ADGRL2: variants seen among roughly 807,000 people sequenced by gnomAD.
ADGRL2 encodes calcium-independent alpha-latrotoxin receptor 2.
ADGRL2 carries 44 observed loss-of-function variants against 157.4 expected under a neutral mutation model. The ratio of observed to expected loss-of-function variants is 0.28; its 90% CI spans 0.22 to 0.36. The LOEUF (loss-of-function observed/expected upper bound fraction) is 0.36, where lower values mean the gene tolerates loss of function less well. Ranked by LOEUF, ADGRL2 falls within the 10% of genes least tolerant of loss-of-function variation. The pLI is 1.00. For synonymous variants in ADGRL2, 585 were observed against 624.7 expected, an observed-to-expected ratio of 0.94 and a Z score of 0.95; for missense variants, 1,510 against 1,768.9, an observed-to-expected ratio of 0.85 and a Z score of 2.63.
intron 2 of ADGRL2, among the ~76,000 whole-genome samples, chr1:81,493,632 A>T (rs978555631): frequency 1.3e-5 from 2 of 152,186 alleles, no homozygotes; most frequent in Non-Finnish European, 2.9e-5. Flanking sequence ...CACATCAGTG[A>T]AGTAATTTCT....
intron 2 of ADGRL2, among the ~76,000 whole-genome samples, chr1:81,544,774 G>C (rs1208583820): frequency 6.6e-6 from 1 of 152,174 alleles, no homozygotes; most frequent in East Asian, 1.9e-4. Flanking sequence ...GTAAACAATA[G>C]TGAGCCACTA....
At chr1:81,911,348 A>G (rs1210459804) in intron 3 of ADGRL2, among the ~76,000 whole-genome samples, 1 of 152,238 alleles carries the variant, frequency 6.6e-6, no homozygotes, top group African/African-American at 2.4e-5. Context: ...TATAAAAGTT[A>G]TAACACTTTG....
At chr1:81,849,521 A>C (rs563890691) in intron 2 of ADGRL2, among the ~76,000 whole-genome samples, 1 of 152,068 alleles carries the variant, frequency 6.6e-6, no homozygotes, top group African/African-American at 2.4e-5. Context: ...ATCATTTTAC[A>C]TAAAGTACTT....
chr1:81,314,331 C>T (rs891451621), intron 1 of ADGRL2, among the ~76,000 whole-genome samples: 2 of 152,120 alleles, frequency 1.3e-5, no homozygotes, highest in Non-Finnish European at 2.9e-5. Flanking sequence ...GTATGGAAGA[C>T]AAAGTATAAT....
intron 3 of ADGRL2, among the ~76,000 whole-genome samples, chr1:81,931,225 CTT>C (rs1269676796): frequency 6.6e-6 from 1 of 152,056 alleles, no homozygotes; most frequent in Non-Finnish European, 1.5e-5. Flanking sequence ...TAAAGCAAGA[CTT>C]TTGGATTTTC....
At chr1:81,647,907 C>T (rs888083952) in intron 3 of ADGRL2, among the ~76,000 whole-genome samples, 1 of 152,180 alleles carries the variant, frequency 6.6e-6, no homozygotes, top group African/African-American at 2.4e-5. Context: ...CTTAGCCCTC[C>T]AGAAGCACGG....
chr1:81,852,703 C>G (rs574576212), intron 2 of ADGRL2, among the ~76,000 whole-genome samples: 152 of 152,066 alleles, frequency 1.0e-3, no homozygotes, highest in African/African-American at 3.5e-3. Flanking sequence ...AGCTGTGTGT[C>G]TCGCTGGCTT....
chr1:81,673,510 A>ATTTTT (rs35732882), intron 3 of ADGRL2, among the ~76,000 whole-genome samples: 6 of 100,154 alleles, frequency 6.0e-5, no homozygotes, highest in Non-Finnish European at 9.6e-5. Flanking sequence ...TGTGCCTTCT[A>ATTTTT]TTTTTTTTTT....
chr1:81,678,771 A>G (rs1206968581), intron 3 of ADGRL2, among the ~76,000 whole-genome samples: 1 of 152,156 alleles, frequency 6.6e-6, no homozygotes, highest in Non-Finnish European at 1.5e-5. Flanking sequence ...ATTTAATGAG[A>G]AGGTTCCGAG....
rs528510920 is a variant in ADGRL2 at position 81,714,283 on chromosome 1, T to C, written c.-143+14475T>C. On this transcript the variant is annotated intron_variant, in intron 1 of 20. Transcript: ENST00000359929. ...AAGTAAAAGTGGATACTATTAATAA[T>C]TGTGCCAGAGCAAGAGATATAAATT... Among the ~76,000 whole-genome samples the C allele has an allele frequency of 2.0e-5, 3 of 152,290 alleles. No homozygotes were observed. The East Asian group carries it at 5.8e-4, about 29-fold the overall frequency.
intron 2 of ADGRL2, among the ~76,000 whole-genome samples, chr1:81,523,873 C>T (rs760604428): frequency 1.5e-4 from 22 of 151,708 alleles, no homozygotes; most frequent in Non-Finnish European, 2.5e-4. Flanking sequence ...ACCAGCCCAG[C>T]GAAGATAGTG....
chr1:81,578,824 A>G lies in ADGRL2; in HGVS notation c.-247-2052A>G, dbSNP rs377756872. ...ATACAGTTCATTATTTTTCTATTGC[A>G]CATTTATGTAGTTCCCCCCGAAGCA... is the stretch of plus-strand genomic sequence containing the variant. On this transcript the variant is annotated intron_variant, in intron 2 of 24. Coordinates refer to the ADGRL2 transcript ENST00000370721. Among the ~76,000 whole-genome samples, 136 of 152,290 alleles carry G rather than the reference A, an allele frequency of 8.9e-4. 2 individuals are homozygous for G. The South Asian group carries it at 0.028, about 31-fold the overall frequency.
At chr1:81,919,848 A>T (rs1251442295) in intron 3 of ADGRL2, among the ~76,000 whole-genome samples, 1 of 152,186 alleles carries the variant, frequency 6.6e-6, no homozygotes, top group African/African-American at 2.4e-5. Context: ...CAAATATATT[A>T]TCTAATAAGT....
At chr1:81,652,839 A>G (rs1371436971) in intron 3 of ADGRL2, among the ~76,000 whole-genome samples, 1 of 152,162 alleles carries the variant, frequency 6.6e-6, no homozygotes, top group Non-Finnish European at 1.5e-5. Flanking sequence ...TTATTACTTA[A>G]TGGACATCCT....
chr1:81,519,054 A>G (rs1232606452), intron 2 of ADGRL2, among the ~76,000 whole-genome samples: 3 of 152,176 alleles, frequency 2.0e-5, no homozygotes, highest in African/African-American at 4.8e-5. Flanking sequence ...TATTAGGCCC[A>G]TTTTACAGAT....
At chr1:81,797,355 G>A (rs1294390762), upstream of ADGRL2, among the ~76,000 whole-genome samples, 1 of 152,008 alleles carries the variant, frequency 6.6e-6, no homozygotes, top group African/African-American at 2.4e-5. Flanking sequence ...TCTAATCACA[G>A]GCAAAAATAC....
intron 1 of ADGRL2, among the ~76,000 whole-genome samples, chr1:81,833,031 T>A (rs1471471072): frequency 6.6e-6 from 1 of 152,184 alleles, no homozygotes; most frequent in African/African-American, 2.4e-5. Context: ...AAGGCAGAAT[T>A]GGGTTAGTGT....
At chr1:81,562,365 A>G (rs2080462829) in intron 2 of ADGRL2, among the ~76,000 whole-genome samples, 1 of 152,106 alleles carries the variant, frequency 6.6e-6, no homozygotes, top group Admixed American at 6.5e-5. Context: ...ACCCACCCAT[A>G]TTTTCATTTA....
At chr1:81,603,971 T>C (rs183961514) in intron 3 of ADGRL2, among the ~76,000 whole-genome samples, 1 of 146,854 alleles carries the variant, frequency 6.8e-6, no homozygotes, top group Non-Finnish European at 1.5e-5. Flanking sequence ...TTTTCTTTTT[T>C]TTTTTTTTTT....
Sources: gnomAD v4.1 joint callset for allele counts (sites outside exome capture counted in the v4.1 genomes callset) on GRCh38, gnomAD v4.1.1 for gene constraint, MANE v1.5 for transcripts, NCBI Gene and HGNC (gene_info 2026-07-23, HGNC 2026-07-21) for gene names.